FOXP1: variants seen among roughly 807,000 people sequenced by gnomAD.
The protein encoded by FOXP1 is forkhead box protein P1.
Under a neutral mutation model 98.2 loss-of-function variants are expected in FOXP1, and 15 were observed. The observed-to-expected ratio is 0.15, with a 90% confidence interval of 0.10 to 0.24. The LOEUF is 0.24. FOXP1 is among the 10% of genes least tolerant of loss of function. FOXP1 has a pLI of 1.00. For synonymous variants in FOXP1, 371 were observed against 314.5 expected, an observed-to-expected ratio of 1.18 and a Z score of -1.90; for missense variants, 633 against 848.5, an observed-to-expected ratio of 0.75 and a Z score of 3.15.
intron 4 of FOXP1, among the ~76,000 whole-genome samples, chr3:71,337,679 A>G (rs987825146): frequency 8.5e-5 from 13 of 152,232 alleles, no homozygotes; most frequent in Admixed American, 2.6e-4. Flanking sequence ...AGGGACCCCA[A>G]TCAGTCCAAT....
chr3:71,002,846 G>T (rs564990566), intron 12 of FOXP1, among the ~76,000 whole-genome samples: 51 of 152,220 alleles, frequency 3.4e-4, no homozygotes, highest in African/African-American at 1.2e-3. Context: ...TTAGTCTCTT[G>T]TCTCACCTAG....
chr3:71,217,330 C>T (rs933535066), intron 5 of FOXP1, among the ~76,000 whole-genome samples: 10 of 152,094 alleles, frequency 6.6e-5, no homozygotes, highest in South Asian at 2.1e-4. Flanking sequence ...GCCTTGGCCT[C>T]GCAAAGTGCT....
chr3:71,566,485 C>T (rs1029165949), intron 2 of FOXP1, among the ~76,000 whole-genome samples: 1 of 152,176 alleles, frequency 6.6e-6, no homozygotes, highest in African/African-American at 2.4e-5. Flanking sequence ...TAATGTTTGA[C>T]CCAACTAAAG....
intron 3 of FOXP1, among the ~76,000 whole-genome samples, chr3:71,475,711 G>A (rs558794926): frequency 6.6e-6 from 1 of 152,158 alleles, no homozygotes; most frequent in African/African-American, 2.4e-5. Context: ...GTGTGGTGCT[G>A]TGCACCTGTA....
intron 3 of FOXP1, among the ~76,000 whole-genome samples, chr3:71,363,109 G>A (rs573944052): frequency 6.7e-6 from 1 of 149,886 alleles, no homozygotes; most frequent in South Asian, 2.1e-4. Context: ...ATATAATCAT[G>A]ATGTAAATGA....
intron 13 of FOXP1, among the ~76,000 whole-genome samples, chr3:70,992,409 A>T (rs1181611284): frequency 6.6e-6 from 1 of 152,180 alleles, no homozygotes; most frequent in Admixed American, 6.5e-5. Flanking sequence ...TGACGTACAT[A>T]TGATGAAAAG....
chr3:70,987,363 G>A (rs538988461), intron 14 of FOXP1, among the ~76,000 whole-genome samples: 1 of 152,298 alleles, frequency 6.6e-6, no homozygotes, highest in African/African-American at 2.4e-5. Flanking sequence ...CAGTAAAAGG[G>A]AATAAGGCAA....
intron 5 of FOXP1, among the ~76,000 whole-genome samples, chr3:71,262,261 T>C (rs1350935330): frequency 2.1e-5 from 1 of 47,864 alleles, no homozygotes; most frequent in East Asian, 5.6e-4. Context: ...CAAGACTCTG[T>C]CACAAAAAAA....
chr3:71,280,330 TTA>T (rs1491163724), intron 5 of FOXP1, among the ~76,000 whole-genome samples: 5 of 151,394 alleles, frequency 3.3e-5, no homozygotes, highest in Non-Finnish European at 2.9e-5. Context: ...TCTTTTTTTT[TTA>T]TTTTTTGAGA....
At chr3:71,324,921 G>A (rs1466559894) in intron 4 of FOXP1, among the ~76,000 whole-genome samples, 1 of 152,178 alleles carries the variant, frequency 6.6e-6, no homozygotes, top group Admixed American at 6.5e-5. Context: ...CCTAGGCCAT[G>A]CCCCAGCTAA....
intron 5 of FOXP1, among the ~76,000 whole-genome samples, chr3:71,238,367 T>C (rs752663065): frequency 6.6e-5 from 10 of 152,326 alleles, no homozygotes; most frequent in East Asian, 1.9e-4. Flanking sequence ...CCTAGGCTGC[T>C]ACCTGGAACA....
intron 5 of FOXP1, among the ~76,000 whole-genome samples, chr3:71,222,269 C>G (rs1385699650): frequency 6.6e-6 from 1 of 152,286 alleles, no homozygotes; most frequent in South Asian, 2.1e-4. Flanking sequence ...CTGGACACAC[C>G]TGGTAACACT....
chr3:71,182,054 A>AAAAG (rs1553770502), intron 6 of FOXP1, among the ~76,000 whole-genome samples: 9 of 142,516 alleles, frequency 6.3e-5, no homozygotes, highest in African/African-American at 1.0e-4. Flanking sequence ...AAAAAAAAGA[A>AAAAG]AAAAAAAGAA....
intron 5 of FOXP1, among the ~76,000 whole-genome samples, chr3:71,203,322 G>T (rs2063790147): frequency 6.6e-6 from 1 of 152,184 alleles, no homozygotes; most frequent in Non-Finnish European, 1.5e-5. Context: ...GACTTCAAAG[G>T]TTCGATTTTT....
At chr3:71,392,674 C>G (rs2081117458) in intron 3 of FOXP1, among the ~76,000 whole-genome samples, 2 of 152,218 alleles carry the variant, frequency 1.3e-5, no homozygotes, top group African/African-American at 4.8e-5. Flanking sequence ...CTATATCGTG[C>G]TCTTCCCAGT....
At chr3:71,131,139 A>G (rs998779780) in intron 6 of FOXP1, among the ~76,000 whole-genome samples, 5 of 152,154 alleles carry the variant, frequency 3.3e-5, no homozygotes, top group African/African-American at 1.2e-4. Context: ...ATCGTCCCGT[A>G]TTCCAGGGAT....
intron 14 of FOXP1, among the ~76,000 whole-genome samples, chr3:70,979,525 C>T (rs566351067): frequency 1.3e-5 from 2 of 151,928 alleles, no homozygotes; most frequent in Non-Finnish European, 2.9e-5. Context: ...TACACAGACC[C>T]ACCCTAAAAT....
chr3:71,551,528 T>A (rs994753919), intron 2 of FOXP1, among the ~76,000 whole-genome samples: 1 of 152,244 alleles, frequency 6.6e-6, no homozygotes, highest in Non-Finnish European at 1.5e-5. Flanking sequence ...ATGATAGCCA[T>A]GATTCACATG....
chr3:70,980,595 AATC>A (rs1315153927), intron 14 of FOXP1, among the ~76,000 whole-genome samples: 1 of 152,216 alleles, frequency 6.6e-6, no homozygotes, highest in African/African-American at 2.4e-5. Context: ...TCCTTTGTAT[AATC>A]ATCTTATGCC....
Sources: gnomAD v4.1 joint callset for allele counts (sites outside exome capture counted in the v4.1 genomes callset) on GRCh38, gnomAD v4.1.1 for gene constraint, MANE v1.5 for transcripts, NCBI Gene and HGNC (gene_info 2026-07-23, HGNC 2026-07-21) for gene names.